The following PTPRM variants were observed in gnomAD, a reference collection of about 807,000 sequenced individuals.
PTPRM encodes receptor-type tyrosine-protein phosphatase mu.
PTPRM carries 47 observed loss-of-function variants against 186.7 expected under a neutral mutation model. The ratio of observed to expected loss-of-function variants is 0.25; its 90% CI spans 0.20 to 0.32. The LOEUF (loss-of-function observed/expected upper bound fraction) is 0.32. Ranked by LOEUF, PTPRM falls within the 10% of genes least tolerant of loss-of-function variation. The pLI is 1.00. For missense variants in PTPRM, 1,494 were observed against 1,865.0 expected, an observed-to-expected ratio of 0.80 and a Z score of 3.66; for synonymous variants, 668 against 674.9, an observed-to-expected ratio of 0.99 and a Z score of 0.16.
chr18:8,184,661 C>T (rs535560769), intron 14 of PTPRM, among the ~76,000 whole-genome samples: 3 of 152,292 alleles, frequency 2.0e-5, no homozygotes, highest in South Asian at 4.1e-4. Flanking sequence ...TAACACTGGC[C>T]TAAAGCTGAA....
chr18:8,231,103 G>A (rs904635384), intron 14 of PTPRM, among the ~76,000 whole-genome samples: 1 of 152,166 alleles, frequency 6.6e-6, no homozygotes, highest in Non-Finnish European at 1.5e-5. Flanking sequence ...TATCCCTGTA[G>A]TATTTGAAAA....
intron 1 of PTPRM, among the ~76,000 whole-genome samples, chr18:7,649,157 G>T (rs2038635703): frequency 6.6e-6 from 1 of 152,194 alleles, no homozygotes; most frequent in South Asian, 2.1e-4. Flanking sequence ...CAGCACATCT[G>T]TTTACAGTAT....
intron 5 of PTPRM, among the ~76,000 whole-genome samples, chr18:7,942,621 T>C (rs2052257032): frequency 7.0e-6 from 1 of 142,150 alleles, no homozygotes; most frequent in Non-Finnish European, 1.5e-5. Flanking sequence ...AAGTGGAATT[T>C]CAGTTTCTGT....
chr18:7,740,199 A>G (rs919216862), intron 1 of PTPRM, among the ~76,000 whole-genome samples: 5 of 152,134 alleles, frequency 3.3e-5, no homozygotes, highest in African/African-American at 1.2e-4. Context: ...CCTCAGCTCC[A>G]AGCTTGAAGC....
intron 31 of PTPRM, among the ~76,000 whole-genome samples, chr18:8,390,872 G>T (rs577552411): frequency 1.4e-4 from 22 of 151,780 alleles, no homozygotes; most frequent in Non-Finnish European, 2.6e-4. Flanking sequence ...AGCTTGCAGT[G>T]AGTCAAGATC....
rs867475650 is a variant in PTPRM at position 7,774,421 on chromosome 18, T to C, written c.196+150T>C. On this transcript the variant is annotated intron_variant, in intron 2 of 32. Coordinates refer to ENST00000580170, the MANE Select transcript of PTPRM (RefSeq NM_001105244.2). The stretch of plus-strand genomic sequence containing the variant: ...GATTAGCTAGTGAGAGTGGTGCAAT[T>C]AACAGGATAGGTTATAAAAGTTTTA... 1.6e-4 allele frequency: 148 copies of C among 917,642 alleles called. No individual in the cohort carries two copies. The Middle Eastern group carries it at 6.1e-3, about 38-fold the overall frequency. 56.8% of individuals were successfully genotyped at this position (917,642 alleles called of 1,614,324 possible). A position where few individuals can be genotyped will look rare whatever the true frequency, so the allele number is the denominator to read the frequency against.
intron 13 of PTPRM, among the ~76,000 whole-genome samples, chr18:8,131,820 A>G (rs2092516849): frequency 6.6e-6 from 1 of 152,232 alleles, no homozygotes; most frequent in Non-Finnish European, 1.5e-5. Flanking sequence ...TTTTCTGTTT[A>G]GAGGAATAAA....
In PTPRM at chr18:7,698,122, A is replaced by G. The variant is rs1598393482; in HGVS notation, c.74-76027A>G. ...TGGATGAACTGAAGTTGTCTACAAC[A>G]AAATCTCATCCTCACCCCTTAAAAC... On this transcript the variant is annotated intron_variant, in intron 1 of 32. Coordinates refer to ENST00000580170, the MANE Select transcript of PTPRM (RefSeq NM_001105244.2). Among the ~76,000 whole-genome samples, 3 of 152,344 alleles carry G rather than the reference A, an allele frequency of 2.0e-5. No individual in the cohort carries two copies. In the South Asian group the frequency reaches 6.2e-4, roughly 32 times the overall value.
chr18:8,278,948 G>A (rs1412299183), intron 19 of PTPRM, among the ~76,000 whole-genome samples: 1 of 152,136 alleles, frequency 6.6e-6, no homozygotes, highest in African/African-American at 2.4e-5. Flanking sequence ...AAGAGGGGGA[G>A]GGATAGCATT....
chr18:8,085,557 A>C, intron 9 of PTPRM, 114 bp from the exon 10 acceptor site: 5 of 878,080 alleles, frequency 5.7e-6, no homozygotes, highest in Non-Finnish European at 7.2e-6. Flanking sequence ...GAGTCTGAGT[A>C]GGAGCTTATC....
chr18:8,056,279 T>C (rs79646618), intron 7 of PTPRM, among the ~76,000 whole-genome samples: 3,259 of 152,292 alleles, frequency 0.021, 119 homozygotes, highest in African/African-American at 0.075. Context: ...GAAATAGTTC[T>C]ATGTATTGTA....
chr18:8,027,416 A>C (rs1174341272), intron 7 of PTPRM, among the ~76,000 whole-genome samples: 1 of 152,240 alleles, frequency 6.6e-6, no homozygotes, highest in Admixed American at 6.5e-5. Context: ...CTGCTTTAGC[A>C]TATGAGAGTG....
At chr18:8,240,803 AGAGAGAGAGAGAGAGAGAGAG>A (rs2094423128) in intron 14 of PTPRM, among the ~76,000 whole-genome samples, 3 of 46,448 alleles carry the variant, frequency 6.5e-5, no homozygotes, top group African/African-American at 2.5e-4. Flanking sequence ...AGAGAGAGAG[AGAGAGAGAGAGAGAGAGAGAG>A]AGAAAGAAAG....
At chr18:7,619,155 A>G (rs912475393) in intron 1 of PTPRM, among the ~76,000 whole-genome samples, 1 of 152,168 alleles carries the variant, frequency 6.6e-6, no homozygotes, top group Non-Finnish European at 1.5e-5. Context: ...CCTGATCTCC[A>G]TTGGTGTTTA....
intron 14 of PTPRM, among the ~76,000 whole-genome samples, chr18:8,238,804 A>G (rs916076104): frequency 1.9e-4 from 28 of 150,984 alleles, no homozygotes; most frequent in African/African-American, 6.6e-4. Context: ...GTCTTAGTCT[A>G]TAGTGAACCT....
At chr18:8,089,081 T>C (rs1276605513) in intron 11 of PTPRM, among the ~76,000 whole-genome samples, 2 of 152,204 alleles carry the variant, frequency 1.3e-5, no homozygotes, top group Non-Finnish European at 2.9e-5. Context: ...AGTTGTTCTT[T>C]TGAAGATAAG....
intron 5 of PTPRM, among the ~76,000 whole-genome samples, chr18:7,944,063 T>G (rs2052362849): frequency 6.6e-6 from 1 of 152,184 alleles, no homozygotes. Context: ...TAAATAGGGA[T>G]TCTTTGTCTA....
Position 7,774,245 on chromosome 18 carries a change from C to G in PTPRM, c.170C>G (p.Pro57Arg). ...NWEQVNTLTKPTSDPWMPSGS... is the reference protein window; with the variant it reads ...NWEQVNTLTKRTSDPWMPSGS... Reference sequence around the variant, plus strand: ...GAGCAAGTGAACACCTTGACTAAACCGACTTCTGATCCATGGATGCCATCA... The same window carrying G: ...GAGCAAGTGAACACCTTGACTAAACGGACTTCTGATCCATGGATGCCATCA... Residue 57 changes from proline (P) to arginine (R), a missense_variant, in exon 2 of 33, where the codon CCG becomes CGG. Transcript: ENST00000580170. The G allele has an allele frequency of 6.2e-7, 1 of 1,613,956 alleles. No individual in the cohort carries two copies. Among genetic ancestry groups the G allele is most frequent in the East Asian group, 2.2e-5 (1 of 44,842 alleles).
At chr18:8,186,942 ATTT>A (rs538870155) in intron 14 of PTPRM, among the ~76,000 whole-genome samples, 124 of 143,744 alleles carry the variant, frequency 8.6e-4, no homozygotes, top group African/African-American at 2.8e-3. Context: ...CCTTGGGAAG[ATTT>A]TTTTTTTTTT....
Sources: gnomAD v4.1 joint callset for allele counts (sites outside exome capture counted in the v4.1 genomes callset) on GRCh38, gnomAD v4.1.1 for gene constraint, MANE v1.5 for transcripts, NCBI Gene and HGNC (gene_info 2026-07-23, HGNC 2026-07-21) for gene names.